STKLD1: variants seen among roughly 807,000 people sequenced by gnomAD.
STKLD1 encodes serine/threonine kinase-like domain-containing protein STKLD1.
Under a neutral mutation model 80.4 loss-of-function variants are expected in STKLD1, and 79 were observed. That is an observed-to-expected ratio of 0.98 (90% CI 0.82 to 1.19). STKLD1 has a LOEUF of 1.19. STKLD1 is among the 50% of genes most tolerant of loss of function. STKLD1 has a pLI of 0.00. For missense variants in STKLD1, 841 were observed against 856.0 expected (o/e 0.98, Z 0.22); for synonymous variants, 393 against 357.6 (o/e 1.10, Z -1.12).
At position 133,394,352 on chromosome 9, in the gene STKLD1, A is replaced by G. The variant is rs1838501774; in HGVS notation, c.645A>G (p.Ser215=). 1 of 1,613,818 alleles carries G rather than the reference A, an allele frequency of 6.2e-7. No homozygotes were observed. The highest frequency in any genetic ancestry group is 8.5e-7 in the Non-Finnish European group (1 of 1,179,968). The part of the protein sequence containing the change: ...EALNFSFSQK[S]DIWSLGCIIL... ...TCAACTTCTCCTTCAGCCAGAAATCAGACATCTGGTCCCTGGGCTGCATCA... is the reference window on the plus strand; with the variant it reads ...TCAACTTCTCCTTCAGCCAGAAATCGGACATCTGGTCCCTGGGCTGCATCA... The change falls in exon 8 of 18, where the codon TCA becomes TCG. Residue 215 remains serine (S), a synonymous_variant. Coordinates refer to ENST00000371957, the MANE Select transcript of STKLD1 (RefSeq NM_153710.5). The surrounding 1 kb of genome is among the most constrained non-coding windows in gnomAD (Gnocchi z 4.9).
chr9:133,405,868 C>T lies in STKLD1; in HGVS notation c.*447C>T, dbSNP rs41296107. 10,652 of 159,820 alleles carry T rather than the reference C, an allele frequency of 0.067. 509 individuals are homozygous for T. The highest frequency in any genetic ancestry group is 0.12 in the Middle Eastern group (38 of 322). The allele number at this position is 159,820 out of a possible 1,614,324, so 9.9% of individuals were successfully genotyped here. On this transcript the variant is annotated 3_prime_UTR_variant, in exon 18 of 18. Coordinates refer to ENST00000371957, the MANE Select transcript of STKLD1 (RefSeq NM_153710.5). ...GGAAGGGTCATCCAGCACCAGAATG[C>T]GCATCTCACACTCCTCTTAGGTGAC...
In STKLD1 at chr9:133,397,292, T is replaced by C; in HGVS notation, c.995T>C (p.Leu332Ser). ...MLLEGNVASILEVMQKFSGWP... is the reference protein window; with the variant it reads ...MLLEGNVASISEVMQKFSGWP... Reference sequence around the variant, plus strand: ...TTAGAAGGCAACGTGGCCAGCATTTTAGGTGATGCTGGGGACACAAAGGGG... The same window carrying C: ...TTAGAAGGCAACGTGGCCAGCATTTCAGGTGATGCTGGGGACACAAAGGGG... Residue 332 changes from leucine to serine, a missense_variant and splice_region_variant, in exon 10 of 18, where the codon TTA becomes TCA. Coordinates refer to ENST00000371957, the MANE Select transcript of STKLD1 (RefSeq NM_153710.5). The C allele has an allele frequency of 2.5e-6, 4 of 1,613,348 alleles. No individual in the cohort carries two copies. The highest frequency in any genetic ancestry group is 3.4e-6 in the Non-Finnish European group (4 of 1,179,982).
At chr9:133,380,190 C>T (rs1163478487) in intron 2 of STKLD1, among the ~76,000 whole-genome samples, 2 of 152,174 alleles carry the variant, frequency 1.3e-5, no homozygotes, top group African/African-American at 4.8e-5. Context: ...CACACGCTGC[C>T]ACGCCCGGCT....
At chr9:133,405,103 G>A in intron 17 of STKLD1, 149 bp from the exon 18 acceptor site, 3 of 1,303,900 alleles carry the variant, frequency 2.3e-6, no homozygotes, top group South Asian at 2.8e-5. Context: ...TGTCCTGGCT[G>A]AGGGTGACGC....
chr9:133,402,241 C>T (rs149341012), intron 13 of STKLD1, among the ~76,000 whole-genome samples: 2,085 of 152,202 alleles, frequency 0.014, 51 homozygotes, highest in African/African-American at 0.046. Context: ...CTTCCGAAGC[C>T]TCCAGCCAGG....
At chr9:133,379,155 G>T in intron 2 of STKLD1, 33 bp downstream of exon 2, 1 of 1,585,498 alleles carries the variant, frequency 6.3e-7, no homozygotes, top group Non-Finnish European at 8.6e-7. Flanking sequence ...CCCATGCCGG[G>T]TGGTTCTGTG....
At position 133,390,991 on chromosome 9, in the gene STKLD1, G is replaced by A. The variant is rs1588745051; in HGVS notation, c.583+195G>A. ...AACTGAGCAGGCGTGCCACCACCAGGGCAGAGGCAGGGCCCCACAGACACC... is the reference window on the plus strand; with the variant it reads ...AACTGAGCAGGCGTGCCACCACCAGAGCAGAGGCAGGGCCCCACAGACACC... On this transcript the variant is annotated intron_variant, in intron 7 of 17. Coordinates refer to ENST00000371957, the MANE Select transcript of STKLD1 (RefSeq NM_153710.5). This position sits in a 1 kb window ranked among gnomAD's most constrained non-coding sequence, Gnocchi z 5.1. Among the ~76,000 whole-genome samples, 1 of 152,152 alleles carries A rather than the reference G, an allele frequency of 6.6e-6. No homozygotes were observed. The highest frequency in any genetic ancestry group is 1.5e-5 in the Non-Finnish European group (1 of 68,028).
At position 133,394,215 on chromosome 9, in the gene STKLD1, G is replaced by A; in HGVS notation, c.584-76G>A. 1.0e-6 allele frequency: 1 copy of A among 982,240 alleles called. No homozygotes were observed. The highest frequency in any genetic ancestry group is 1.7e-6 in the Non-Finnish European group (1 of 605,678). 60.8% of individuals were successfully genotyped at this position (982,240 alleles called of 1,614,324 possible). A position where few individuals can be genotyped will look rare whatever the true frequency, so the allele number is the denominator to read the frequency against. ...GGGCCACCAAAGGGGATACAGTGCT[G>A]GGCAGGGTGACTCTGTCAAGCCCCT... On this transcript the variant is annotated intron_variant, in intron 7 of 17. Transcript: ENST00000371957. This position sits in a 1 kb window ranked among gnomAD's most constrained non-coding sequence, Gnocchi z 4.9.
intron 12 of STKLD1, 27 bp downstream of exon 12, chr9:133,400,556 G>T: frequency 6.4e-7 from 1 of 1,570,628 alleles, no homozygotes; most frequent in Non-Finnish European, 8.7e-7. Flanking sequence ...GCCAGATGGG[G>T]TCGGGGAGGC....
At chr9:133,404,960 A>G (rs1159684533) in intron 17 of STKLD1, 31 bp downstream of exon 17, 2 of 1,609,270 alleles carry the variant, frequency 1.2e-6, no homozygotes, top group Admixed American at 1.7e-5. Context: ...CACACTCCCT[A>G]GAGCCCAGCG....
At chr9:133,399,261 CCCATCCAT>C (rs199987470) in intron 11 of STKLD1, among the ~76,000 whole-genome samples, 1 of 152,092 alleles carries the variant, frequency 6.6e-6, no homozygotes, top group African/African-American at 2.4e-5. Flanking sequence ...CACCCATCCA[CCCATCCAT>C]CCGTCTGTCT....
intron 10 of STKLD1, 54 bp downstream of exon 10, chr9:133,397,348 T>C: frequency 6.2e-7 from 1 of 1,604,640 alleles, no homozygotes; most frequent in African/African-American, 1.3e-5. Flanking sequence ...GTCCATGGCC[T>C]TGGCATCCTA....
At chr9:133,395,330 G>A (rs1001090397) in intron 8 of STKLD1, among the ~76,000 whole-genome samples, 2 of 152,140 alleles carry the variant, frequency 1.3e-5, no homozygotes, top group African/African-American at 4.8e-5. Context: ...AAATGGGCAT[G>A]CTGTCTTACT....
At chr9:133,392,892 A>C (rs1383173127) in intron 7 of STKLD1, among the ~76,000 whole-genome samples, 1 of 18,064 alleles carries the variant, frequency 5.5e-5, no homozygotes. Context: ...GATTGGATGG[A>C]TGGATAGGTG....
rs968424294 is a variant in STKLD1, at chr9:133,401,879, G to A, written c.1339+1G>A. On this transcript the variant is annotated splice_donor_variant, in intron 13 of 17. Coordinates refer to ENST00000371957, the MANE Select transcript of STKLD1 (RefSeq NM_153710.5). LOFTEE classifies it high-confidence loss of function. ...CTGCTAGCCATCACCACAACCCAGG[G>A]TGTGTCTGCCAGCCACCTCCTGCCC... is the stretch of plus-strand genomic sequence containing the variant. 2.5e-6 allele frequency: 4 copies of A among 1,612,984 alleles called. No homozygotes were observed. The highest frequency in any genetic ancestry group is 1.7e-6 in the Non-Finnish European group (2 of 1,179,940).
rs943197974 is a variant in STKLD1 at position 133,385,049 on chromosome 9, G to A, written c.220-568G>A. ...AAGAGCATGGGGCCTGCCCAGAGCCGCACGCCGCCGTGGCTTTTCACGTTG... is the reference window on the plus strand; with the variant it reads ...AAGAGCATGGGGCCTGCCCAGAGCCACACGCCGCCGTGGCTTTTCACGTTG... On this transcript the variant is annotated intron_variant, in intron 3 of 17. Transcript: ENST00000371957. The surrounding 1 kb of genome is among the most constrained non-coding windows in gnomAD (Gnocchi z 4.9). Among the ~76,000 whole-genome samples the A allele has an allele frequency of 3.9e-5, 6 of 152,086 alleles. No homozygotes were observed. Among genetic ancestry groups the A allele is most frequent in the African/African-American group, 7.3e-5 (3 of 41,358 alleles).
intron 11 of STKLD1, among the ~76,000 whole-genome samples, chr9:133,398,870 T>C (rs1014396246): frequency 4.6e-5 from 7 of 152,340 alleles, no homozygotes; most frequent in South Asian, 2.1e-4. Context: ...TGTTTGTTTT[T>C]GAGACAGGGT....
intron 14 of STKLD1, 41 bp downstream of exon 14, chr9:133,403,053 C>T (rs1028047206): frequency 1.6e-5 from 25 of 1,529,778 alleles, no homozygotes; most frequent in Non-Finnish European, 2.2e-5. Flanking sequence ...GGGCTGGCAG[C>T]CCTCCCCCAG....
intron 5 of STKLD1, chr9:133,387,916 G>A (rs2130281324): frequency 3.0e-5 from 14 of 464,056 alleles, no homozygotes; most frequent in Non-Finnish European, 5.6e-5. Flanking sequence ...TGAGCCCCGC[G>A]GTGCTGCTGC....
Sources: gnomAD v4.1 joint callset for allele counts (sites outside exome capture counted in the v4.1 genomes callset) on GRCh38, gnomAD v4.1.1 for gene constraint, Gnocchi (gnomAD v3.1) non-coding constraint, MANE v1.5 for transcripts, NCBI Gene and HGNC (gene_info 2026-07-23, HGNC 2026-07-21) for gene names.